Variants in CSMD1 observed in about 807,000 individuals in gnomAD.
The protein encoded by CSMD1 is CUB and Sushi multiple domains 1.
CSMD1 carries 213 observed loss-of-function variants against 417.5 expected under a neutral mutation model. The ratio of observed to expected loss-of-function variants is 0.51; its 90% confidence interval spans 0.46 to 0.57. The LOEUF (loss-of-function observed/expected upper bound fraction) is 0.57, where lower values mean the gene tolerates loss of function less well. Ranked by LOEUF, CSMD1 falls within the 20% of genes least tolerant of loss-of-function variation. CSMD1 has a pLI of 0.00. For synonymous variants in CSMD1, 2,862 were observed against 1,736.8 expected (o/e 1.65, Z -16.11); for missense variants, 6,923 against 4,529.7 (o/e 1.53, Z -15.17).
intron 1 of CSMD1, among the ~76,000 whole-genome samples, chr8:4,697,239 A>G (rs1208268784): frequency 6.6e-6 from 1 of 152,176 alleles, no homozygotes; most frequent in African/African-American, 2.4e-5. Context: ...TCTAGAACAG[A>G]ACCTTGCTGT....
intron 40 of CSMD1, among the ~76,000 whole-genome samples, chr8:3,146,500 G>C (rs1818853389): frequency 1.3e-5 from 2 of 152,038 alleles, no homozygotes; most frequent in South Asian, 4.2e-4. Flanking sequence ...TAAAAATAAG[G>C]AAACAAGTTT....
At chr8:4,160,571 T>C (rs998720173) in intron 3 of CSMD1, among the ~76,000 whole-genome samples, 2 of 152,216 alleles carry the variant, frequency 1.3e-5, no homozygotes, top group East Asian at 3.9e-4. Flanking sequence ...ACGTTTCTCA[T>C]CTTGCATGAG....
intron 2 of CSMD1, among the ~76,000 whole-genome samples, chr8:4,547,517 T>TGCAC (rs1563275795): frequency 1.3e-5 from 2 of 152,198 alleles, no homozygotes; most frequent in African/African-American, 4.8e-5. Context: ...CAGGTCCCTA[T>TGCAC]GCACACTCTG....
chr8:3,721,673 G>T (rs1255493726), intron 6 of CSMD1, among the ~76,000 whole-genome samples: 1 of 151,980 alleles, frequency 6.6e-6, no homozygotes, highest in Admixed American at 6.6e-5. Context: ...CATGGTTTTG[G>T]AAGAGCTTCT....
At chr8:3,655,962 C>T (rs1204426726) in intron 7 of CSMD1, among the ~76,000 whole-genome samples, 1 of 152,098 alleles carries the variant, frequency 6.6e-6, no homozygotes, top group Non-Finnish European at 1.5e-5. Flanking sequence ...ATTCCTGTCC[C>T]ACCTGGCTCA....
intron 9 of CSMD1, among the ~76,000 whole-genome samples, chr8:3,575,352 T>C (rs969591300): frequency 6.6e-6 from 1 of 152,114 alleles, no homozygotes; most frequent in African/African-American, 2.4e-5. Flanking sequence ...TCATGTGCAA[T>C]GTCAATACCA....
At chr8:3,944,861 T>C (rs1010808431) in intron 5 of CSMD1, among the ~76,000 whole-genome samples, 1 of 152,180 alleles carries the variant, frequency 6.6e-6, no homozygotes, top group East Asian at 1.9e-4. Context: ...GCCACAGCTC[T>C]GACAGTTGAT....
At chr8:4,007,398 T>A (rs1055483659) in intron 4 of CSMD1, among the ~76,000 whole-genome samples, 5 of 152,194 alleles carry the variant, frequency 3.3e-5, no homozygotes, top group African/African-American at 1.2e-4. Flanking sequence ...AGGGCACCTA[T>A]GTTCCTGCCC....
chr8:4,100,677 C>T (rs529247073), intron 3 of CSMD1, among the ~76,000 whole-genome samples: 1 of 152,066 alleles, frequency 6.6e-6, no homozygotes, highest in African/African-American at 2.4e-5. Flanking sequence ...GCTGAAATTG[C>T]CATTCATACT....
intron 12 of CSMD1, among the ~76,000 whole-genome samples, chr8:3,463,086 A>G (rs1195777690): frequency 2.0e-5 from 3 of 152,212 alleles, no homozygotes; most frequent in Admixed American, 6.5e-5. Flanking sequence ...TGGACTTCCC[A>G]GAACTGTGAG....
intron 5 of CSMD1, among the ~76,000 whole-genome samples, chr8:3,776,182 C>G (rs922794969): frequency 3.3e-5 from 5 of 152,178 alleles, no homozygotes; most frequent in African/African-American, 1.2e-4. Flanking sequence ...CAGAACAGAT[C>G]CATGTCTGAC....
chr8:3,760,230 A>G (rs1011363427), intron 5 of CSMD1, among the ~76,000 whole-genome samples: 2 of 152,220 alleles, frequency 1.3e-5, no homozygotes, highest in African/African-American at 4.8e-5. Context: ...AATGTTGGAC[A>G]GCTCCTTTAG....
intron 7 of CSMD1, among the ~76,000 whole-genome samples, chr8:3,617,441 T>A (rs1420251292): frequency 4.6e-5 from 7 of 152,200 alleles, no homozygotes; most frequent in Admixed American, 1.3e-4. Context: ...TCATCCTGTA[T>A]AATTTGTCTA....
At chr8:4,141,852 C>T (rs13270835) in intron 3 of CSMD1, among the ~76,000 whole-genome samples, 45,295 of 150,552 alleles carry the variant, frequency 0.3, 8,464 homozygotes, top group Non-Finnish European at 0.39. Flanking sequence ...ACTAACAGTA[C>T]CATTTAGATA....
At chr8:4,474,108 A>C (rs947341370) in intron 2 of CSMD1, among the ~76,000 whole-genome samples, 1 of 152,210 alleles carries the variant, frequency 6.6e-6, no homozygotes, top group Non-Finnish European at 1.5e-5. Flanking sequence ...ATACACAAAA[A>C]GAAACTAGAG....
At chr8:4,711,424 T>G (rs1563195181) in intron 1 of CSMD1, among the ~76,000 whole-genome samples, 1 of 152,184 alleles carries the variant, frequency 6.6e-6, no homozygotes, top group Non-Finnish European at 1.5e-5. Flanking sequence ...ACAAATTGTT[T>G]AGTAATAGCT....
chr8:3,955,441 T>G (rs2627506), intron 5 of CSMD1, among the ~76,000 whole-genome samples: 115,036 of 152,062 alleles, frequency 0.76, 43,915 homozygotes, highest in East Asian at 0.95. Context: ...TAAACCAGAA[T>G]GAAAAAATGT....
At chr8:3,388,297 G>A (rs7008818) in intron 17 of CSMD1, among the ~76,000 whole-genome samples, 76,721 of 152,022 alleles carry the variant, frequency 0.5, 19,698 homozygotes, top group African/African-American at 0.55. Context: ...AAATTAATGT[G>A]CATGAAGTAA....
chr8:3,777,121 TAC>T (rs3028584), intron 5 of CSMD1, among the ~76,000 whole-genome samples: 20,548 of 146,164 alleles, frequency 0.14, 2,074 homozygotes, highest in African/African-American at 0.28. Flanking sequence ...TATCTATACC[TAC>T]ACACACACAC....
Sources: gnomAD v4.1 joint callset for allele counts (sites outside exome capture counted in the v4.1 genomes callset) on GRCh38, gnomAD v4.1.1 for gene constraint, MANE v1.5 for transcripts, NCBI Gene and HGNC (gene_info 2026-07-23, HGNC 2026-07-21) for gene names.